The following DGKG variants were observed in gnomAD, a reference collection of about 807,000 sequenced individuals.
DGKG encodes DAG kinase gamma.
Under a neutral mutation model 105.3 loss-of-function variants are expected in DGKG, and 78 were observed. The observed-to-expected ratio is 0.74, with a 90% CI of 0.62 to 0.89. The LOEUF is 0.89. Ranked by LOEUF, DGKG falls within the 40% of genes least tolerant of loss-of-function variation. The probability of loss-of-function intolerance (pLI) is 0.00; values close to 1 mark genes in which losing one functional copy is unlikely to be tolerated. For synonymous variants in DGKG, 346 were observed against 367.1 expected, an observed-to-expected ratio of 0.94 and a Z score of 0.66; for missense variants, 958 against 1,020.1, an observed-to-expected ratio of 0.94 and a Z score of 0.83.
intron 20 of DGKG, among the ~76,000 whole-genome samples, chr3:186,220,531 AC>A (rs766277551): frequency 2.6e-5 from 4 of 152,202 alleles, no homozygotes; most frequent in Non-Finnish European, 5.9e-5. Flanking sequence ...GGAAAAGTCA[AC>A]CGAAGTCACC....
intron 5 of DGKG, among the ~76,000 whole-genome samples, chr3:186,291,315 G>A (rs1440511920): frequency 6.6e-6 from 1 of 151,278 alleles, no homozygotes. Context: ...TATCCCTTAT[G>A]AACACAGAGG....
At chr3:186,233,425 C>A (rs1720250948) in intron 20 of DGKG, among the ~76,000 whole-genome samples, 1 of 152,182 alleles carries the variant, frequency 6.6e-6, no homozygotes, top group South Asian at 2.1e-4. Flanking sequence ...CCCGGTGACA[C>A]CTATTTCAGA....
rs1224568770 is a variant in DGKG at position 186,361,628 on chromosome 3, C to T, written c.-249+318G>A. On this transcript the variant is annotated intron_variant, in intron 1 of 24. Coordinates refer to ENST00000265022, the MANE Select transcript of DGKG (RefSeq NM_001346.3). The surrounding 1 kb of genome is among the most constrained non-coding windows in gnomAD (Gnocchi z 6.8). ...TTAAGTCCAGAAGAAGAAGGAAATC[C>T]GACCAGTTGCTTTAGCAAACTGCCT... is the stretch of plus-strand genomic sequence containing the variant. Among the ~76,000 whole-genome samples the T allele has an allele frequency of 6.6e-6, 1 of 152,216 alleles. No individual in the cohort carries two copies. The highest frequency in any genetic ancestry group is 1.5e-5 in the Non-Finnish European group (1 of 68,040).
At position 186,251,818 on chromosome 3, in the gene DGKG, C is replaced by A; in HGVS notation, c.1702G>T (p.Val568Leu). The change falls in exon 19 of 25, where the codon GTG (valine) becomes TTG (leucine). Residue 568 changes from valine to leucine, a missense_variant. This residue lies in a region of DGKG where 315 missense variants were observed against 400.6 expected (regional missense o/e 0.79). Coordinates refer to ENST00000265022, the MANE Select transcript of DGKG (RefSeq NM_001346.3). ...TATGGGACCTGGTCCCCGTTTTCCA[C>A]TTCCTCTCTGGGGATGACTTCCAGA... ...WHLEVIPREE[V>L]ENGDQVPYSI... 2 of 1,614,062 alleles carry A rather than the reference C, an allele frequency of 1.2e-6. No individual in the cohort carries two copies. Among genetic ancestry groups the A allele is most frequent in the Non-Finnish European group, 1.7e-6 (2 of 1,179,920 alleles).
At chr3:186,223,010 A>AATATATATATATATATATAT (rs1194415419) in intron 20 of DGKG, among the ~76,000 whole-genome samples, 2 of 10,288 alleles carry the variant, frequency 1.9e-4, no homozygotes, top group Admixed American at 1.8e-3. Context: ...GTGTATGTAT[A>AATATATATATATATATATAT]CTATATATAT....
intron 19 of DGKG, among the ~76,000 whole-genome samples, chr3:186,246,355 C>T (rs1720939725): frequency 6.6e-6 from 1 of 152,202 alleles, no homozygotes; most frequent in South Asian, 2.1e-4. Flanking sequence ...ATTATTGAGA[C>T]ATTAATTTTT....
At chr3:186,176,192 G>A (rs1464577735) in intron 22 of DGKG, among the ~76,000 whole-genome samples, 2 of 152,130 alleles carry the variant, frequency 1.3e-5, no homozygotes, top group Admixed American at 1.3e-4. Context: ...TAAAATACTA[G>A]TTGGTATATT....
At chr3:186,238,506 G>A (rs73885805) in intron 20 of DGKG, among the ~76,000 whole-genome samples, 5,922 of 151,992 alleles carry the variant, frequency 0.039, 124 homozygotes, top group African/African-American at 0.045. Flanking sequence ...TTTGCTAGAC[G>A]ACGATTTCCT....
chr3:186,217,588 A>G (rs559352082), intron 20 of DGKG, among the ~76,000 whole-genome samples: 1 of 152,372 alleles, frequency 6.6e-6, no homozygotes, highest in South Asian at 2.1e-4. Context: ...GACAGATGAG[A>G]GAAAAAATGA....
rs934871193 is a variant in DGKG at position 186,361,482 on chromosome 3, G to A, written c.-249+464C>T. Among the ~76,000 whole-genome samples, 1 of 152,134 alleles carries A rather than the reference G, an allele frequency of 6.6e-6. No individual in the cohort carries two copies. The highest frequency in any genetic ancestry group is 1.5e-5 in the Non-Finnish European group (1 of 68,012). ...TCGCCCTGCGCAGGGGCTTTGTGGA[G>A]TGCCCCCAAAGTCCTAGAACCCCGC... On this transcript the variant is annotated intron_variant, in intron 1 of 24. Coordinates refer to ENST00000265022, the MANE Select transcript of DGKG (RefSeq NM_001346.3). This position sits in a 1 kb window ranked among gnomAD's most constrained non-coding sequence, Gnocchi z 6.8.
At chr3:186,353,294 G>T (rs1313438200) in intron 1 of DGKG, among the ~76,000 whole-genome samples, 1 of 151,980 alleles carries the variant, frequency 6.6e-6, no homozygotes, top group African/African-American at 2.4e-5. Flanking sequence ...AGGTTAGGAG[G>T]GTGGATCATC....
intron 22 of DGKG, among the ~76,000 whole-genome samples, chr3:186,168,775 G>A (rs1056672918): frequency 2.0e-5 from 3 of 152,116 alleles, no homozygotes; most frequent in Non-Finnish European, 2.9e-5. Flanking sequence ...GCTTGAACCC[G>A]GGAGGCAGAA....
intron 2 of DGKG, among the ~76,000 whole-genome samples, chr3:186,317,423 C>T (rs755775970): frequency 2.6e-5 from 4 of 152,202 alleles, no homozygotes; most frequent in Non-Finnish European, 5.9e-5. Flanking sequence ...CATCACACAC[C>T]CTCCTGGGGC....
chr3:186,273,971 C>T (rs1434423637), intron 10 of DGKG, among the ~76,000 whole-genome samples: 3 of 152,188 alleles, frequency 2.0e-5, no homozygotes, highest in East Asian at 3.9e-4. Flanking sequence ...CCTTCTCCTC[C>T]TGCTCCCTGT....
Position 186,297,064 on chromosome 3 carries a change from T to TCACACA in DGKG, c.373+356_373+357insTGTGTG, listed in dbSNP as rs1177958964. ...ACCTCTCTCTGTCTGTCTGTCTGTC[T>TCACACA]CTCTCACACACACACACACACACAC... On this transcript the variant is annotated intron_variant, in intron 5 of 24. Transcript: ENST00000265022. Among the ~76,000 whole-genome samples, 61 of 78,550 alleles carry TCACACA rather than the reference T, an allele frequency of 7.8e-4. 1 individual carries two copies. Among genetic ancestry groups the TCACACA allele is most frequent in the African/African-American group, 2.7e-3 (53 of 19,554 alleles). The allele number at this position is 78,550 out of a possible 152,430, so 51.5% of individuals were successfully genotyped here.
chr3:186,240,806 T>C (rs1394340096), intron 20 of DGKG, among the ~76,000 whole-genome samples: 1 of 44,710 alleles, frequency 2.2e-5, no homozygotes, highest in African/African-American at 4.3e-5. Flanking sequence ...CGAAACTCCA[T>C]GAAAAAAAAA....
rs569735456 is a variant in DGKG, at chr3:186,240,149, C to T, written c.1826+2355G>A. ...TCCACAAGTATACTGCACCCTCTCA[C>T]TCCTTCGTATCTTTTCGTACATTTG... On this transcript the variant is annotated intron_variant, in intron 20 of 24. Coordinates refer to ENST00000265022, the MANE Select transcript of DGKG (RefSeq NM_001346.3). Among the ~76,000 whole-genome samples, 37 of 152,334 alleles carry T rather than the reference C, an allele frequency of 2.4e-4. 1 individual carries two copies. The highest frequency in any genetic ancestry group is 3.4e-3 in the Middle Eastern group (1 of 294).
intron 24 of DGKG, among the ~76,000 whole-genome samples, chr3:186,152,694 C>T (rs1481954937): frequency 4.6e-5 from 7 of 152,104 alleles, no homozygotes; most frequent in African/African-American, 1.7e-4. Flanking sequence ...GACAGAGTCT[C>T]GCTCTATCAC....
At chr3:186,314,072 G>A (rs1327527442) in intron 2 of DGKG, among the ~76,000 whole-genome samples, 1 of 151,888 alleles carries the variant, frequency 6.6e-6, no homozygotes, top group Admixed American at 6.6e-5. Context: ...AATCTGATTC[G>A]AAAGAAATAT....
Sources: gnomAD v4.1 joint callset for allele counts (sites outside exome capture counted in the v4.1 genomes callset) on GRCh38, gnomAD v4.1.1 for gene constraint, gnomAD v4.1.1 regional missense constraint, Gnocchi (gnomAD v3.1) non-coding constraint, MANE v1.5 for transcripts, NCBI Gene and HGNC (gene_info 2026-07-23, HGNC 2026-07-21) for gene names.